DOCK5: variants seen among roughly 807,000 people sequenced by gnomAD.
The protein encoded by DOCK5 is dedicator of cytokinesis 5, also known as dedicator of cytokinesis protein 5.
A neutral mutation model predicts 251.8 loss-of-function variants in DOCK5; 142 were observed. The observed-to-expected ratio is 0.56, with a 90% confidence interval of 0.49 to 0.65. DOCK5 has a LOEUF of 0.65. Ranked by LOEUF, DOCK5 falls within the 30% of genes least tolerant of loss-of-function variation. DOCK5 has a pLI of 0.00. For synonymous variants in DOCK5, 842 were observed against 835.5 expected (o/e 1.01, Z -0.13); for missense variants, 2,111 against 2,312.3 (o/e 0.91, Z 1.79).
intron 47 of DOCK5, among the ~76,000 whole-genome samples, chr8:25,403,185 A>G (rs1193835995): frequency 6.6e-6 from 1 of 152,170 alleles, no homozygotes; most frequent in Non-Finnish European, 1.5e-5. Context: ...TCTAACCCCA[A>G]TATTCCATAT....
At chr8:25,328,384 G>C (rs944186951) in intron 18 of DOCK5, among the ~76,000 whole-genome samples, 3 of 152,120 alleles carry the variant, frequency 2.0e-5, no homozygotes, top group African/African-American at 7.2e-5. Context: ...CGGAGACTTG[G>C]CAAAGGCATC....
At chr8:25,346,628 A>C (rs1388948542) in intron 26 of DOCK5, among the ~76,000 whole-genome samples, 1 of 143,190 alleles carries the variant, frequency 7.0e-6, no homozygotes, top group East Asian at 2.1e-4. Context: ...GATCGAGACC[A>C]TCCTGGCTAA....
chr8:25,323,429 G>A (rs983545701), intron 16 of DOCK5, among the ~76,000 whole-genome samples: 62 of 152,338 alleles, frequency 4.1e-4, no homozygotes, highest in South Asian at 3.5e-3. Flanking sequence ...TGTGTTTGGT[G>A]GGAGAGCCTA....
At chr8:25,308,456 G>A (rs1382570784) in intron 11 of DOCK5, among the ~76,000 whole-genome samples, 2 of 152,076 alleles carry the variant, frequency 1.3e-5, no homozygotes, top group East Asian at 3.9e-4. Flanking sequence ...CCTTCCGTGG[G>A]TGCTCTGTCT....
Position 25,372,483 on chromosome 8 carries a change from CCTGGTCAGTG to C in DOCK5, c.3525-62_3525-53del, listed in dbSNP as rs1320374188. The C allele has an allele frequency of 2.2e-5, 31 of 1,436,106 alleles. No individual in the cohort carries two copies. The African/African-American group carries it at 2.2e-4, about 10-fold the overall frequency. The allele number at this position is 1,436,106 out of a possible 1,614,324, so 89.0% of individuals were successfully genotyped here. A position where few individuals can be genotyped will look rare whatever the true frequency, so the allele number is the denominator to read the frequency against. On this transcript the variant is annotated intron_variant, in intron 34 of 51. Transcript: ENST00000276440. The stretch of plus-strand genomic sequence containing the variant: ...ATCCTGCCCCAGCCACTGCTGAGAC[CCTGGTCAGTG>C]CTGGTCAGTGCTGCTGGAATGATAG...
chr8:25,395,794 A>C (rs1801335866), intron 45 of DOCK5, 75 bp downstream of exon 45: 2 of 1,484,570 alleles, frequency 1.3e-6, no homozygotes, highest in Admixed American at 1.9e-5. Flanking sequence ...GCCATTTGCC[A>C]CTGACAAATT....
chr8:25,284,399 G>A (rs906469583), intron 5 of DOCK5, among the ~76,000 whole-genome samples: 7 of 152,190 alleles, frequency 4.6e-5, no homozygotes, highest in African/African-American at 9.6e-5. Context: ...ATTTAGTGAC[G>A]TTTGCCTTGA....
At chr8:25,332,377 A>T (rs770934229) in intron 19 of DOCK5, 29 bp downstream of exon 19, 2 of 1,531,652 alleles carry the variant, frequency 1.3e-6, no homozygotes, top group South Asian at 2.2e-5. Flanking sequence ...AGTTAGAAAT[A>T]CACATACCTA....
intron 1 of DOCK5, among the ~76,000 whole-genome samples, chr8:25,187,364 T>TTGTGTGTGTGTG (rs34685735): frequency 2.9e-4 from 39 of 136,610 alleles, no homozygotes; most frequent in African/African-American, 1.1e-3. Context: ...TGGGTGGAAA[T>TTGTGTGTGTGTG]TGTGTGTGTG....
At chr8:25,261,992 T>C (rs77268318) in intron 2 of DOCK5, among the ~76,000 whole-genome samples, 15 of 152,370 alleles carry the variant, frequency 9.8e-5, no homozygotes, top group African/African-American at 3.6e-4. Context: ...AGTTATAGTA[T>C]AGTAAGTAAT....
chr8:25,321,804 G>T (rs1322944258), intron 16 of DOCK5, among the ~76,000 whole-genome samples: 3 of 152,086 alleles, frequency 2.0e-5, no homozygotes, highest in African/African-American at 7.2e-5. Flanking sequence ...GATGCTACTA[G>T]ATGCTCTATA....
At chr8:25,249,618 GC>G (rs1299136335) in intron 2 of DOCK5, among the ~76,000 whole-genome samples, 2 of 152,090 alleles carry the variant, frequency 1.3e-5, no homozygotes, top group Admixed American at 6.5e-5. Flanking sequence ...CCTCTCTCTT[GC>G]TCTGTTGGTC....
intron 1 of DOCK5, among the ~76,000 whole-genome samples, chr8:25,208,057 T>G (rs1013573007): frequency 2.6e-5 from 4 of 152,186 alleles, no homozygotes; most frequent in African/African-American, 9.7e-5. Flanking sequence ...GTTCAAAACT[T>G]CAGTGAAGGA....
chr8:25,223,602 A>T (rs1297459198), intron 1 of DOCK5, among the ~76,000 whole-genome samples: 1 of 152,234 alleles, frequency 6.6e-6, no homozygotes, highest in Non-Finnish European at 1.5e-5. Context: ...GGTGTGAGCC[A>T]CTGCTTCTGG....
At position 25,262,696 on chromosome 8, in the gene DOCK5, T is replaced by G. The variant is rs192712933; in HGVS notation, c.128-6149T>G. ...TTCAACTCTTTCAGCCAATGTTTTA[T>G]GCCATAAATCTCTTCATTTCTAAAT... On this transcript the variant is annotated intron_variant, in intron 2 of 51. Coordinates refer to ENST00000276440, the MANE Select transcript of DOCK5 (RefSeq NM_024940.8). 2.8e-4 allele frequency among the ~76,000 whole-genome samples: 43 copies of G among 152,352 alleles called. No individual in the cohort carries two copies. The East Asian group carries it at 8.3e-3, about 29-fold the overall frequency.
chr8:25,226,287 A>G (rs1802528976), intron 1 of DOCK5, among the ~76,000 whole-genome samples: 1 of 117,200 alleles, frequency 8.5e-6, no homozygotes, highest in African/African-American at 3.5e-5. Context: ...TTTTGGACAG[A>G]GTCTCACTCT....
intron 13 of DOCK5, among the ~76,000 whole-genome samples, chr8:25,315,760 A>T (rs1002407329): frequency 6.6e-6 from 1 of 152,242 alleles, no homozygotes; most frequent in Non-Finnish European, 1.5e-5. Flanking sequence ...ATTGACAAAG[A>T]GTGTGTCAAG....
At chr8:25,399,237 T>A (rs1801396506) in intron 45 of DOCK5, among the ~76,000 whole-genome samples, 1 of 152,208 alleles carries the variant, frequency 6.6e-6, no homozygotes, top group African/African-American at 2.4e-5. Flanking sequence ...AATTTAAGTT[T>A]GGGTTTTATT....
intron 38 of DOCK5, among the ~76,000 whole-genome samples, chr8:25,379,292 CCCAGAGT>C (rs1171902571): frequency 6.6e-6 from 1 of 150,880 alleles, no homozygotes; most frequent in Non-Finnish European, 1.5e-5. Flanking sequence ...GACAGACATT[CCCAGAGT>C]GGCCATTTAT....
Sources: gnomAD v4.1 joint callset for allele counts (sites outside exome capture counted in the v4.1 genomes callset) on GRCh38, gnomAD v4.1.1 for gene constraint, MANE v1.5 for transcripts, NCBI Gene and HGNC (gene_info 2026-07-23, HGNC 2026-07-21) for gene names.